DCDC1: variants seen among roughly 807,000 people sequenced by gnomAD.
DCDC1 encodes the protein doublecortin domain containing 1.
DCDC1 carries 200 observed loss-of-function variants against 178.3 expected under a neutral mutation model. The ratio of observed to expected loss-of-function variants is 1.12; its 90% CI spans 1.00 to 1.26. DCDC1 has a LOEUF of 1.26. Among genes scored for constraint, DCDC1 ranks in the 50% most tolerant of loss-of-function variants. The probability of loss-of-function intolerance (pLI) is 0.00; values close to 1 mark genes in which losing one functional copy is unlikely to be tolerated. For missense variants in DCDC1, 1,983 were observed against 1,749.2 expected (o/e 1.13, Z -2.38); for synonymous variants, 690 against 604.8 (o/e 1.14, Z -2.07).
At chr11:30,920,988 T>A in intron 24 of DCDC1, 53 bp from the exon 25 acceptor site, 1 of 1,536,234 alleles carries the variant, frequency 6.5e-7, no homozygotes, top group Non-Finnish European at 8.8e-7. Flanking sequence ...TTGCAGAGCA[T>A]CAGGAATTTA....
chr11:31,205,214 G>C (rs745614915), intron 9 of DCDC1, among the ~76,000 whole-genome samples: 2 of 152,144 alleles, frequency 1.3e-5, no homozygotes, highest in Non-Finnish European at 2.9e-5. Flanking sequence ...TTGCCTGTTT[G>C]TATAAATAAA....
chr11:31,246,072 C>T (rs1943540889), intron 8 of DCDC1, among the ~76,000 whole-genome samples: 1 of 151,870 alleles, frequency 6.6e-6, no homozygotes, highest in South Asian at 2.1e-4. Context: ...AAGCAACATC[C>T]TACATTGAAA....
At chr11:31,157,355 CAA>C (rs1555090310) in intron 9 of DCDC1, among the ~76,000 whole-genome samples, 92 of 121,912 alleles carry the variant, frequency 7.5e-4, no homozygotes, top group African/African-American at 2.8e-3. Flanking sequence ...GACCCTTTCT[CAA>C]AAAAAAAAAA....
intron 20 of DCDC1, among the ~76,000 whole-genome samples, chr11:31,037,716 G>A (rs1312925331): frequency 6.6e-6 from 1 of 152,046 alleles, no homozygotes; most frequent in Non-Finnish European, 1.5e-5. Context: ...ACCCGCCTCG[G>A]CCTCCCAAAG....
intron 12 of DCDC1, 48 bp downstream of exon 12, chr11:31,110,212 T>G (rs751689031): frequency 7.8e-5 from 52 of 665,894 alleles, no homozygotes; most frequent in Non-Finnish European, 1.3e-4. Flanking sequence ...TAGTTGCAAG[T>G]AACTTGCAAG....
chr11:31,172,098 G>A (rs1159152193), intron 9 of DCDC1, among the ~76,000 whole-genome samples: 1 of 152,028 alleles, frequency 6.6e-6, no homozygotes, highest in Non-Finnish European at 1.5e-5. Context: ...TTATGTTACA[G>A]GTATAAAATA....
intron 20 of DCDC1, among the ~76,000 whole-genome samples, chr11:30,994,423 T>C (rs1004916012): frequency 6.6e-6 from 1 of 151,514 alleles, no homozygotes; most frequent in Non-Finnish European, 1.5e-5. Flanking sequence ...TCCCAAGTAG[T>C]TGAAACTACA....
At chr11:31,257,505 T>G (rs1419721072) in intron 8 of DCDC1, among the ~76,000 whole-genome samples, 1 of 149,216 alleles carries the variant, frequency 6.7e-6, no homozygotes, top group Non-Finnish European at 1.5e-5. Flanking sequence ...AGGAATCGGA[T>G]TCCTGAAGGA....
chr11:31,114,449 G>A (rs1291541361), intron 11 of DCDC1, among the ~76,000 whole-genome samples: 1 of 152,134 alleles, frequency 6.6e-6, no homozygotes, highest in East Asian at 1.9e-4. Flanking sequence ...CAGGGCAGGG[G>A]ATACAGGCCT....
chr11:31,210,372 A>G (rs573995930), intron 9 of DCDC1, among the ~76,000 whole-genome samples: 2 of 152,198 alleles, frequency 1.3e-5, no homozygotes, highest in Non-Finnish European at 2.9e-5. Context: ...TGACTGAATG[A>G]CTAATAGCAT....
At chr11:30,998,189 G>A (rs1951377480) in intron 20 of DCDC1, among the ~76,000 whole-genome samples, 2 of 152,098 alleles carry the variant, frequency 1.3e-5, no homozygotes, top group Non-Finnish European at 2.9e-5. Flanking sequence ...CTACTCAGGG[G>A]GCTGAGATGG....
intron 8 of DCDC1, among the ~76,000 whole-genome samples, chr11:31,245,818 A>C (rs1188459876): frequency 1.3e-5 from 2 of 151,950 alleles, no homozygotes; most frequent in East Asian, 1.9e-4. Context: ...TAAGAACCCC[A>C]AAAATGAGTT....
intron 9 of DCDC1, among the ~76,000 whole-genome samples, chr11:31,210,668 G>A (rs1256352847): frequency 2.0e-5 from 3 of 146,422 alleles, no homozygotes; most frequent in Non-Finnish European, 3.0e-5. Context: ...CCAAGATCAC[G>A]CCACTGCACT....
chr11:31,045,076 T>A (rs571759569), intron 20 of DCDC1, among the ~76,000 whole-genome samples: 1 of 152,272 alleles, frequency 6.6e-6, no homozygotes, highest in South Asian at 2.1e-4. Flanking sequence ...ATAGGCATAA[T>A]AATATAAAAT....
chr11:31,031,620 T>A (rs902199033), intron 20 of DCDC1, among the ~76,000 whole-genome samples: 1 of 152,096 alleles, frequency 6.6e-6, no homozygotes, highest in East Asian at 1.9e-4. Context: ...TCTCTATGTC[T>A]TATACAATAA....
At chr11:30,992,044 C>G (rs1951020814) in intron 20 of DCDC1, among the ~76,000 whole-genome samples, 1 of 152,164 alleles carries the variant, frequency 6.6e-6, no homozygotes, top group Non-Finnish European at 1.5e-5. Flanking sequence ...CGCTCCCTGT[C>G]TTTCTAAGAG....
At chr11:30,978,779 AACACACACACACAC>A (rs56058117) in intron 20 of DCDC1, among the ~76,000 whole-genome samples, 4 of 118,980 alleles carry the variant, frequency 3.4e-5, no homozygotes, top group East Asian at 2.7e-4. Context: ...GTCCCCCCTC[AACACACACACACAC>A]ACACACACAC....
At chr11:31,186,019 TCCCTGCTTCCACTCCTCCATCCATTCTC>T (rs1342496652) in intron 9 of DCDC1, among the ~76,000 whole-genome samples, 2 of 152,188 alleles carry the variant, frequency 1.3e-5, no homozygotes, top group Non-Finnish European at 2.9e-5. Flanking sequence ...CTCACTGGTT[TCCCTGCTTCCACTCCTCCATCCATTCTC>T]CCCAGAAGAG....
chr11:30,955,133 C>T (rs1472044867), intron 20 of DCDC1, among the ~76,000 whole-genome samples: 1 of 152,200 alleles, frequency 6.6e-6, no homozygotes, highest in African/African-American at 2.4e-5. Flanking sequence ...CCTCCAAGAA[C>T]CCGCTTCTTT....
Sources: gnomAD v4.1 joint callset for allele counts (sites outside exome capture counted in the v4.1 genomes callset) on GRCh38, gnomAD v4.1.1 for gene constraint, MANE v1.5 for transcripts, NCBI Gene and HGNC (gene_info 2026-07-23, HGNC 2026-07-21) for gene names.